SMYD3: variants seen among roughly 807,000 people sequenced by gnomAD.
SMYD3 encodes the protein histone-lysine N-methyltransferase SMYD3.
SMYD3 carries 36 observed loss-of-function variants against 57.7 expected under a neutral mutation model. The observed-to-expected ratio is 0.62, with a 90% CI of 0.48 to 0.82. The LOEUF is 0.82. SMYD3 is among the 40% of genes least tolerant of loss of function. The pLI is 0.00. For missense variants in SMYD3, 515 were observed against 538.8 expected (o/e 0.96, Z 0.44); for synonymous variants, 211 against 195.0 (o/e 1.08, Z -0.68).
intron 10 of SMYD3, among the ~76,000 whole-genome samples, chr1:245,855,844 C>T (rs1313175708): frequency 6.6e-6 from 1 of 152,148 alleles, no homozygotes; most frequent in Non-Finnish European, 1.5e-5. Context: ...TCAGGAGTGA[C>T]AAAATCATCA....
intron 5 of SMYD3, among the ~76,000 whole-genome samples, chr1:246,175,117 G>A (rs1398228727): frequency 1.3e-5 from 2 of 152,168 alleles, no homozygotes; most frequent in African/African-American, 4.8e-5. Context: ...AGCTCAAGGA[G>A]TAACTGCGCC....
At chr1:246,029,421 C>T (rs1468291746) in intron 5 of SMYD3, among the ~76,000 whole-genome samples, 2 of 152,090 alleles carry the variant, frequency 1.3e-5, no homozygotes, top group Non-Finnish European at 2.9e-5. Context: ...CCTGTAATCC[C>T]AGCACCTTGG....
intron 1 of SMYD3, among the ~76,000 whole-genome samples, chr1:246,457,949 T>A (rs1447350159): frequency 6.6e-6 from 1 of 152,248 alleles, no homozygotes; most frequent in Non-Finnish European, 1.5e-5. Context: ...CTATAGTATT[T>A]TGTTCAAACT....
In SMYD3 at chr1:246,268,391, TG is replaced by T. The variant is rs908022999; in HGVS notation, c.531+58809del. 1.8e-4 allele frequency among the ~76,000 whole-genome samples: 27 copies of T among 152,186 alleles called. 2 individuals carry two copies. The highest frequency in any genetic ancestry group is 6.5e-4 in the African/African-American group (27 of 41,540). On this transcript the variant is annotated intron_variant, in intron 5 of 11. Transcript: ENST00000490107. ...GGGGAGGCATGAATAATCCACCCCT[TG>T]TTTAGCATATCATTAGGAAATAACC...
chr1:245,879,659 A>G (rs927169227), intron 8 of SMYD3, among the ~76,000 whole-genome samples: 8 of 152,218 alleles, frequency 5.3e-5, no homozygotes, highest in African/African-American at 1.9e-4. Context: ...CCCATCTTTA[A>G]TTCCAGCTGA....
chr1:246,419,523 C>T (rs962818646), intron 1 of SMYD3, among the ~76,000 whole-genome samples: 1 of 152,104 alleles, frequency 6.6e-6, no homozygotes, highest in Non-Finnish European at 1.5e-5. Context: ...AACATTTGGG[C>T]GCAAAGGCAG....
At chr1:246,327,443 T>C (rs1049247535) in intron 4 of SMYD3, 106 bp from the exon 5 acceptor site, 17 of 981,170 alleles carry the variant, frequency 1.7e-5, no homozygotes, top group South Asian at 8.4e-5. Flanking sequence ...CTACCTTACA[T>C]TGGATTTTGA....
At chr1:246,354,061 C>T (rs904471748) in intron 2 of SMYD3, among the ~76,000 whole-genome samples, 2 of 151,934 alleles carry the variant, frequency 1.3e-5, no homozygotes, top group African/African-American at 4.8e-5. Flanking sequence ...ACAAGCATGG[C>T]CTAAATTTAA....
chr1:246,176,253 C>T (rs949716468), intron 5 of SMYD3, among the ~76,000 whole-genome samples: 1 of 152,142 alleles, frequency 6.6e-6, no homozygotes, highest in Non-Finnish European at 1.5e-5. Context: ...ACAAAATTAG[C>T]CTTCCTCAAC....
intron 1 of SMYD3, among the ~76,000 whole-genome samples, chr1:246,460,636 G>C (rs193249935): frequency 2.3e-3 from 353 of 152,290 alleles, no homozygotes; most frequent in African/African-American, 8.1e-3. Context: ...CAAGGAAGAA[G>C]TCAGTCAAAA....
chr1:246,023,733 A>G (rs772421204), intron 5 of SMYD3, among the ~76,000 whole-genome samples: 1 of 151,550 alleles, frequency 6.6e-6, no homozygotes, highest in Non-Finnish European at 1.5e-5. Context: ...CAAATCCTGG[A>G]TTTCCAATTT....
intron 10 of SMYD3, among the ~76,000 whole-genome samples, chr1:245,803,519 G>C (rs2047976144): frequency 6.6e-6 from 1 of 152,164 alleles, no homozygotes; most frequent in African/African-American, 2.4e-5. Context: ...TGGGGAAAGT[G>C]GTATTCTACA....
intron 1 of SMYD3, among the ~76,000 whole-genome samples, chr1:246,466,589 T>C (rs2067884830): frequency 6.6e-6 from 1 of 152,192 alleles, no homozygotes. Context: ...AGACTTAATA[T>C]GTGGATGACA....
intron 5 of SMYD3, among the ~76,000 whole-genome samples, chr1:246,022,577 T>C (rs1466519776): frequency 2.0e-5 from 3 of 152,222 alleles, no homozygotes; most frequent in African/African-American, 7.2e-5. Flanking sequence ...TTAGCAATTA[T>C]TATTATGCTA....
intron 5 of SMYD3, chr1:246,326,429 T>C: frequency 1.5e-6 from 1 of 675,802 alleles, no homozygotes; most frequent in Admixed American, 2.4e-5. Context: ...ATCATCGCAC[T>C]CTTCCTCCCT....
At position 246,187,524 on chromosome 1, in the gene SMYD3, AAC is replaced by A. The variant is rs1452339129; in HGVS notation, c.531+139675_531+139676del. 5.9e-5 allele frequency among the ~76,000 whole-genome samples: 9 copies of A among 152,334 alleles called. No individual in the cohort carries two copies. The East Asian group carries it at 9.6e-4, about 16-fold the overall frequency. ...AATGCTCAAGAGGATCATTGCAGAA[AAC>A]ACAGTGGTAAAGCAAGCTGCTGAGG... On this transcript the variant is annotated intron_variant, in intron 5 of 11. Transcript: ENST00000490107.
intron 5 of SMYD3, among the ~76,000 whole-genome samples, chr1:246,006,947 C>T (rs1572881325): frequency 6.6e-6 from 1 of 152,312 alleles, no homozygotes; most frequent in South Asian, 2.1e-4. Flanking sequence ...AAGGCATGGG[C>T]AGGAGCTGGA....
chr1:246,061,238 A>G (rs2060247494), intron 5 of SMYD3, among the ~76,000 whole-genome samples: 1 of 152,128 alleles, frequency 6.6e-6, no homozygotes, highest in Admixed American at 6.5e-5. Context: ...CACACACAAA[A>G]AAGAAATGTC....
intron 1 of SMYD3, among the ~76,000 whole-genome samples, chr1:246,467,188 A>C (rs2067894510): frequency 6.6e-6 from 1 of 152,142 alleles, no homozygotes; most frequent in South Asian, 2.1e-4. Flanking sequence ...TAAATAAATA[A>C]AATTTAAAAA....
Sources: allele counts gnomAD v4.1 joint callset (sites outside exome capture counted in the v4.1 genomes callset), GRCh38; gene constraint gnomAD v4.1.1; transcripts MANE v1.5; gene names NCBI Gene and HGNC (gene_info 2026-07-23, HGNC 2026-07-21).